Variants in LINGO2 observed in about 807,000 individuals in gnomAD.
LINGO2 encodes the protein leucine rich repeat and Ig domain containing 2.
Under a neutral mutation model 30.6 loss-of-function variants are expected in LINGO2, and 14 were observed. The ratio of observed to expected loss-of-function variants is 0.46; its 90% CI spans 0.30 to 0.72. LINGO2 has a LOEUF of 0.72. Ranked by LOEUF, LINGO2 falls within the 30% of genes least tolerant of loss-of-function variation. LINGO2 has a pLI of 0.07. For synonymous variants in LINGO2, 317 were observed against 288.5 expected (o/e 1.10, Z -1.00); for missense variants, 729 against 751.7 (o/e 0.97, Z 0.35).
intron 3 of LINGO2, among the ~76,000 whole-genome samples, chr9:28,330,762 T>TA (rs754283331): frequency 3.9e-5 from 6 of 152,150 alleles, no homozygotes; most frequent in Non-Finnish European, 8.8e-5. Context: ...CTTTTATGCT[T>TA]AATGCTTTGT....
the LINGO2 span, among the ~76,000 whole-genome samples, chr9:28,995,168 T>G: frequency 5.3e-3 from 809 of 151,916 alleles, 6 homozygotes; most frequent in African/African-American, 0.019. Flanking sequence ...CAAACAAATT[T>G]ACAAGAAAAA....
chr9:28,591,994 G>A (rs1473847589), intron 1 of LINGO2, among the ~76,000 whole-genome samples: 1 of 151,986 alleles, frequency 6.6e-6, no homozygotes, highest in Non-Finnish European at 1.5e-5. Context: ...TGGATATTAT[G>A]TGCCATACTA....
At chr9:28,001,745 A>G (rs987533248) in intron 5 of LINGO2, among the ~76,000 whole-genome samples, 5 of 152,174 alleles carry the variant, frequency 3.3e-5, no homozygotes, top group Non-Finnish European at 7.3e-5. Flanking sequence ...TGTTAGTTTC[A>G]AGTCTGAAGG....
At chr9:29,179,271 T>G in the LINGO2 span, among the ~76,000 whole-genome samples, 8 of 149,566 alleles carry the variant, frequency 5.3e-5, no homozygotes, top group East Asian at 1.6e-3. Context: ...AAGGTGGACT[T>G]CTGGGCAAGT....
chr9:28,365,753 C>A (rs1040172514), intron 3 of LINGO2, among the ~76,000 whole-genome samples: 21 of 139,034 alleles, frequency 1.5e-4, no homozygotes, highest in Admixed American at 8.7e-4. Flanking sequence ...TACAAAGGAA[C>A]CTTTGGATCC....
chr9:28,825,471 AC>A, the LINGO2 span, among the ~76,000 whole-genome samples: 2 of 152,034 alleles, frequency 1.3e-5, no homozygotes, highest in Non-Finnish European at 2.9e-5. Flanking sequence ...GAAGCTTTCT[AC>A]TAAACTCACA....
chr9:28,652,969 A>T lies in LINGO2; in HGVS notation c.-365+17231T>A, dbSNP rs139575882. Reference sequence around the variant, plus strand: ...TGCGTTAGTTAAATTGATAGTAAGGATATAGCTGAAACTCCAGATAAAACT... The same window carrying T: ...TGCGTTAGTTAAATTGATAGTAAGGTTATAGCTGAAACTCCAGATAAAACT... On this transcript the variant is annotated intron_variant, in intron 1 of 5. Coordinates refer to ENST00000379992, the Ensembl canonical transcript of LINGO2. Among the ~76,000 whole-genome samples the T allele has an allele frequency of 5.7e-3, 870 of 152,228 alleles. 7 individuals carry two copies. Among genetic ancestry groups the T allele is most frequent in the African/African-American group, 0.02 (827 of 41,540 alleles).
At chr9:28,722,473 T>C in the LINGO2 span, among the ~76,000 whole-genome samples, 1 of 152,064 alleles carries the variant, frequency 6.6e-6, no homozygotes, top group East Asian at 1.9e-4. Flanking sequence ...CAATGTGAAT[T>C]TGAAGAGCAA....
the LINGO2 span, among the ~76,000 whole-genome samples, chr9:28,677,511 A>G: frequency 2.6e-5 from 4 of 152,154 alleles, no homozygotes; most frequent in Non-Finnish European, 5.9e-5. Flanking sequence ...GGAGGCTTAT[A>G]TGAGTACTGG....
the LINGO2 span, among the ~76,000 whole-genome samples, chr9:28,929,851 T>C: frequency 6.6e-6 from 1 of 152,308 alleles, no homozygotes; most frequent in East Asian, 1.9e-4. Flanking sequence ...GATTCATACC[T>C]AAAACAGAAA....
the LINGO2 span, among the ~76,000 whole-genome samples, chr9:28,852,167 G>T: frequency 1.3e-5 from 2 of 151,956 alleles, no homozygotes; most frequent in African/African-American, 4.8e-5. Flanking sequence ...TAGGGGAAGA[G>T]GGTATTGAAA....
At chr9:28,978,708 T>A in the LINGO2 span, among the ~76,000 whole-genome samples, 1 of 152,100 alleles carries the variant, frequency 6.6e-6, no homozygotes, top group African/African-American at 2.4e-5. Flanking sequence ...AAAGCTTTTC[T>A]GCTTTAATCA....
In LINGO2 at chr9:28,007,128, A is replaced by G. The variant is rs957060906; in HGVS notation, c.-36+5227T>C. ...AACAAAATCACTTACGTAGCATAGA[A>G]TAGCAGACTTGTACAGATAGAAACA... On this transcript the variant is annotated intron_variant, in intron 5 of 5. Transcript: ENST00000379992. Among the ~76,000 whole-genome samples, 14 of 152,274 alleles carry G rather than the reference A, an allele frequency of 9.2e-5. No individual in the cohort carries two copies. In the East Asian group the frequency reaches 2.7e-3, roughly 29 times the overall value.
chr9:28,626,558 A>T (rs148272639), intron 1 of LINGO2, among the ~76,000 whole-genome samples: 1 of 152,040 alleles, frequency 6.6e-6, no homozygotes, highest in South Asian at 2.1e-4. Flanking sequence ...TCATTCTTTT[A>T]TACAGATACC....
Position 28,148,150 on chromosome 9 carries a change from C to A in LINGO2, c.-86-135745G>T, listed in dbSNP as rs1398138008. The A allele has an allele frequency of 1.1e-6, 1 of 895,716 alleles. No homozygotes were observed. The highest frequency in any genetic ancestry group is 1.5e-6 in the Non-Finnish European group (1 of 664,348). The allele number at this position is 895,716 out of a possible 1,614,324, so 55.5% of individuals were successfully genotyped here. ...GGGGAATCGTGGGCCGTTTCCCACT[C>A]CTCTTCAACCCTCAGCGACATCTTG... On this transcript the variant is annotated intron_variant, in intron 4 of 5. Coordinates refer to ENST00000379992, the Ensembl canonical transcript of LINGO2. This position sits in a 1 kb window ranked among gnomAD's most constrained non-coding sequence, Gnocchi z 5.1.
the LINGO2 span, among the ~76,000 whole-genome samples, chr9:28,950,713 G>A: frequency 6.6e-6 from 1 of 152,038 alleles, no homozygotes; most frequent in Non-Finnish European, 1.5e-5. Flanking sequence ...TCTTCAAGAA[G>A]AACCCTAAAC....
chr9:29,205,456 C>T, the LINGO2 span, among the ~76,000 whole-genome samples: 2 of 152,104 alleles, frequency 1.3e-5, no homozygotes, highest in East Asian at 3.9e-4. Context: ...CTTTACTTGC[C>T]ATTGCTATTT....
At chr9:29,204,967 T>G in the LINGO2 span, among the ~76,000 whole-genome samples, 1 of 152,226 alleles carries the variant, frequency 6.6e-6, no homozygotes, top group African/African-American at 2.4e-5. Flanking sequence ...TTGAGGAAGT[T>G]GCCTTCTATT....
intron 1 of LINGO2, among the ~76,000 whole-genome samples, chr9:28,482,204 C>A (rs1029716592): frequency 2.0e-5 from 3 of 151,954 alleles, no homozygotes; most frequent in Non-Finnish European, 4.4e-5. Flanking sequence ...GCCACACTGA[C>A]TTCCACAATG....
Sources: allele counts gnomAD v4.1 joint callset (sites outside exome capture counted in the v4.1 genomes callset), GRCh38; gene constraint gnomAD v4.1.1; non-coding constraint Gnocchi (gnomAD v3.1); transcripts MANE v1.5; gene names NCBI Gene and HGNC (gene_info 2026-07-23, HGNC 2026-07-21).